The following MEIKIN variants were observed in gnomAD, a reference collection of about 807,000 sequenced individuals.
MEIKIN encodes the protein meiosis-specific kinetochore protein.
chr5:131,889,182 T>A (rs1436418908), intron 8 of MEIKIN, among the ~76,000 whole-genome samples: 1 of 152,208 alleles, frequency 6.6e-6, no homozygotes, highest in Non-Finnish European at 1.5e-5. Flanking sequence ...TAGGATTGAC[T>A]TGGCAATGCA....
At chr5:131,815,323 G>A (rs1040418516) in intron 12 of MEIKIN, among the ~76,000 whole-genome samples, 1 of 152,168 alleles carries the variant, frequency 6.6e-6, no homozygotes, top group Non-Finnish European at 1.5e-5. Context: ...GGAGGGCAGA[G>A]TTCTCCAGAG....
chr5:131,873,547 A>C (rs1028567633), intron 9 of MEIKIN, among the ~76,000 whole-genome samples: 5 of 152,140 alleles, frequency 3.3e-5, no homozygotes, highest in Non-Finnish European at 4.4e-5. Context: ...CACAATAATA[A>C]TGGGAGACTT....
intron 9 of MEIKIN, among the ~76,000 whole-genome samples, chr5:131,875,495 G>A (rs188384386): frequency 0.032 from 4,868 of 151,750 alleles, 124 homozygotes; most frequent in Non-Finnish European, 0.049. Context: ...AAATAAAAGA[G>A]GATACAAACA....
At chr5:131,845,408 GA>G (rs557806935) in intron 11 of MEIKIN, among the ~76,000 whole-genome samples, 19 of 142,228 alleles carry the variant, frequency 1.3e-4, no homozygotes, top group Admixed American at 6.3e-4. Flanking sequence ...AAAAGAAACA[GA>G]AAAGTATGGT....
rs146728041 is a variant in MEIKIN, at chr5:131,831,393, A to C, written c.976-12530T>G. 5.7e-3 allele frequency among the ~76,000 whole-genome samples: 869 copies of C among 152,306 alleles called. 4 individuals are homozygous for C. The highest frequency in any genetic ancestry group is 0.018 in the African/African-American group (752 of 41,568). ...AGTAAGACTGCTGTCTCAACAACAA[A>C]AAAAAAATTAAAAATTAGCCAGTTG... On this transcript the variant is annotated intron_variant, in intron 11 of 12. Transcript: ENST00000442687.
intron 12 of MEIKIN, among the ~76,000 whole-genome samples, chr5:131,814,009 G>C (rs2149601039): frequency 6.6e-6 from 1 of 152,142 alleles, no homozygotes; most frequent in South Asian, 2.1e-4. Flanking sequence ...GAAAGATGTA[G>C]GTTGGGAGGC....
intron 11 of MEIKIN, among the ~76,000 whole-genome samples, chr5:131,839,489 T>A (rs1481811355): frequency 6.6e-6 from 1 of 152,180 alleles, no homozygotes; most frequent in Non-Finnish European, 1.5e-5. Context: ...GAAAGTCTAA[T>A]TCTCTTTGAA....
At chr5:131,940,373 C>T (rs1751848956) in intron 4 of MEIKIN, among the ~76,000 whole-genome samples, 1 of 152,162 alleles carries the variant, frequency 6.6e-6, no homozygotes, top group Admixed American at 6.5e-5. Context: ...CAATATTAGA[C>T]TCCTCGGTTA....
At chr5:131,900,864 C>T (rs1037774248) in intron 8 of MEIKIN, among the ~76,000 whole-genome samples, 14 of 152,110 alleles carry the variant, frequency 9.2e-5, no homozygotes, top group Admixed American at 1.3e-4. Flanking sequence ...TGTGGATGTA[C>T]GCCAGCCCTC....
At chr5:131,812,542 T>C (rs1773015676) in intron 12 of MEIKIN, among the ~76,000 whole-genome samples, 1 of 152,212 alleles carries the variant, frequency 6.6e-6, no homozygotes, top group African/African-American at 2.4e-5. Flanking sequence ...GCACCTCCTA[T>C]AACCAAAAGG....
chr5:131,863,548 TTC>T (rs550326198), intron 9 of MEIKIN, among the ~76,000 whole-genome samples: 42 of 141,684 alleles, frequency 3.0e-4, no homozygotes, highest in African/African-American at 1.0e-3. Flanking sequence ...TATAATGACC[TTC>T]TTTGTCCTTT....
At chr5:131,933,246 T>G (rs1751718675) in intron 5 of MEIKIN, among the ~76,000 whole-genome samples, 1 of 152,222 alleles carries the variant, frequency 6.6e-6, no homozygotes, top group Non-Finnish European at 1.5e-5. Context: ...TATACATTCA[T>G]TAGGTGCAAA....
chr5:131,864,708 G>A (rs1278728267), intron 9 of MEIKIN, among the ~76,000 whole-genome samples: 1 of 152,130 alleles, frequency 6.6e-6, no homozygotes, highest in African/African-American at 2.4e-5. Flanking sequence ...ACATTTTTAT[G>A]TTGTATCTGT....
intron 5 of MEIKIN, among the ~76,000 whole-genome samples, chr5:131,932,414 G>GT (rs1751705275): frequency 6.6e-6 from 1 of 152,194 alleles, no homozygotes; most frequent in Non-Finnish European, 1.5e-5. Flanking sequence ...GCTCCACTCT[G>GT]TAACTCTCAT....
chr5:131,883,725 T>C (rs931249124), intron 8 of MEIKIN, among the ~76,000 whole-genome samples: 1 of 152,210 alleles, frequency 6.6e-6, no homozygotes. Flanking sequence ...TCATAGTATC[T>C]GGTTTTAACT....
chr5:131,945,575 G>A lies in MEIKIN; in HGVS notation c.-70C>T. On this transcript the variant is annotated 5_prime_UTR_variant, in exon 1 of 13. Coordinates refer to ENST00000442687, the MANE Select transcript of MEIKIN (RefSeq NM_001303622.2). Reference sequence around the variant, plus strand: ...CGATGGCCTGCCTTCCTGAGGATCAGGGCTAAGTCACAGGGAGTCAGCGTC... The same window carrying A: ...CGATGGCCTGCCTTCCTGAGGATCAAGGCTAAGTCACAGGGAGTCAGCGTC... 1 of 399,994 alleles carries A rather than the reference G, an allele frequency of 2.5e-6. No individual in the cohort carries two copies. Among genetic ancestry groups the A allele is most frequent in the Non-Finnish European group, 4.4e-6 (1 of 225,966 alleles). The allele number at this position is 399,994 out of a possible 1,614,324, so 24.8% of individuals were successfully genotyped here. A position where few individuals can be genotyped will look rare whatever the true frequency, so the allele number is the denominator to read the frequency against.
At chr5:131,863,720 T>G (rs1369244401) in intron 9 of MEIKIN, among the ~76,000 whole-genome samples, 1 of 152,128 alleles carries the variant, frequency 6.6e-6, no homozygotes, top group Non-Finnish European at 1.5e-5. Flanking sequence ...TCTTGTAGCT[T>G]CCATAATTCT....
At chr5:131,893,150 T>C (rs974174150) in intron 8 of MEIKIN, among the ~76,000 whole-genome samples, 3 of 150,014 alleles carry the variant, frequency 2.0e-5, no homozygotes, top group Admixed American at 6.6e-5. Flanking sequence ...CTGCAGAGGT[T>C]ACTGCTGCGT....
intron 9 of MEIKIN, among the ~76,000 whole-genome samples, chr5:131,868,067 G>T (rs1224520830): frequency 6.6e-6 from 1 of 152,120 alleles, no homozygotes; most frequent in Non-Finnish European, 1.5e-5. Context: ...ATTCTAATAG[G>T]TGTGTAATAA....
Sources: gnomAD v4.1 joint callset for allele counts (sites outside exome capture counted in the v4.1 genomes callset) on GRCh38, gnomAD v4.1.1 for gene constraint, MANE v1.5 for transcripts, NCBI Gene and HGNC (gene_info 2026-07-23, HGNC 2026-07-21) for gene names.